KALRN: variants seen among roughly 807,000 people sequenced by gnomAD.
KALRN encodes kalirin RhoGEF kinase.
A neutral mutation model predicts 353.7 loss-of-function variants in KALRN; 70 were observed. The observed-to-expected ratio is 0.20, with a 90% CI of 0.16 to 0.24. The LOEUF is 0.24. Ranked by LOEUF, KALRN falls within the 10% of genes least tolerant of loss-of-function variation. The pLI is 1.00. For missense variants in KALRN, 2,791 were observed against 3,756.7 expected (o/e 0.74, Z 6.72); for synonymous variants, 1,391 against 1,434.8 (o/e 0.97, Z 0.69).
intron 33 of KALRN, among the ~76,000 whole-genome samples, chr3:124,553,184 G>T (rs981610769): frequency 6.6e-6 from 1 of 152,200 alleles, no homozygotes; most frequent in African/African-American, 2.4e-5. Context: ...AGCATGTAAT[G>T]CATATCAGGG....
At chr3:124,370,255 G>A (rs2085653791) in intron 10 of KALRN, among the ~76,000 whole-genome samples, 1 of 151,796 alleles carries the variant, frequency 6.6e-6, no homozygotes, top group African/African-American at 2.4e-5. Context: ...ATACAAAAAA[G>A]ATACCAGAAG....
At chr3:124,694,625 G>C (rs778903702) in intron 53 of KALRN, 122 bp downstream of exon 53, 8 of 951,372 alleles carry the variant, frequency 8.4e-6, no homozygotes, top group Non-Finnish European at 1.3e-5. Flanking sequence ...AGCTGCCCTG[G>C]AGCCTGTTCT....
chr3:124,232,458 T>A (rs1244983159), intron 2 of KALRN, among the ~76,000 whole-genome samples: 2 of 152,150 alleles, frequency 1.3e-5, no homozygotes, highest in Non-Finnish European at 2.9e-5. Context: ...CGTATCTCCA[T>A]TTCCTCCTCT....
chr3:124,527,682 T>A (rs2067709673), intron 33 of KALRN, among the ~76,000 whole-genome samples: 1 of 151,836 alleles, frequency 6.6e-6, no homozygotes, highest in African/African-American at 2.4e-5. Context: ...TCAGATAAGA[T>A]AGCGTCTGCC....
chr3:124,395,626 A>C (rs2090065736), intron 12 of KALRN: 1 of 406,514 alleles, frequency 2.5e-6, no homozygotes, highest in Non-Finnish European at 4.5e-6. Flanking sequence ...AAGACAAAAA[A>C]AACAAAAGTA....
chr3:124,365,536 T>C (rs878861283), intron 10 of KALRN, among the ~76,000 whole-genome samples: 11 of 152,202 alleles, frequency 7.2e-5, no homozygotes, highest in Admixed American at 5.9e-4. Context: ...GAGATAAAAG[T>C]GGACTTGGCT....
chr3:124,183,812 T>A, intron 1 of KALRN, among the ~76,000 whole-genome samples: 1 of 152,218 alleles, frequency 6.6e-6, no homozygotes, highest in South Asian at 2.1e-4. Context: ...GGCATTTTTG[T>A]TTTAAAGTGT....
Position 124,422,983 on chromosome 3 carries a change from G to A in KALRN, c.2709+5G>A. ...CTCCAGGCTGAAGTCAAACAGGTAA[G>A]CCCAGCCCTTCTTCCTTCAGCCTGG... On this transcript the variant is annotated splice_donor_5th_base_variant and intron_variant, in intron 15 of 59. Transcript: ENST00000682506. 6.2e-7 allele frequency: 1 copy of A among 1,612,342 alleles called. No homozygotes were observed. Among genetic ancestry groups the A allele is most frequent in the African/African-American group, 1.3e-5 (1 of 75,004 alleles).
intron 24 of KALRN, among the ~76,000 whole-genome samples, chr3:124,462,255 G>A (rs1330974263): frequency 6.6e-6 from 1 of 152,192 alleles, no homozygotes; most frequent in Non-Finnish European, 1.5e-5. Flanking sequence ...AATTGGGTCT[G>A]AAAATCTGCA....
chr3:124,318,340 T>C (rs1473091615), intron 6 of KALRN, among the ~76,000 whole-genome samples: 1 of 152,184 alleles, frequency 6.6e-6, no homozygotes, highest in East Asian at 1.9e-4. Context: ...CTGTGGTTCA[T>C]GGGAGGCAGA....
intron 12 of KALRN, chr3:124,395,583 A>T (rs2090060369): frequency 4.0e-6 from 2 of 502,550 alleles, no homozygotes; most frequent in East Asian, 6.4e-5. Context: ...TTCAGCCATC[A>T]GTAAGTAACA....
chr3:124,570,875 T>G (rs2073439882), intron 34 of KALRN, among the ~76,000 whole-genome samples: 1 of 152,220 alleles, frequency 6.6e-6, no homozygotes, highest in South Asian at 2.1e-4. Context: ...TAGCTCACTC[T>G]CTTTCCAAAT....
chr3:124,375,725 G>C (rs939732080), intron 10 of KALRN, among the ~76,000 whole-genome samples: 1 of 152,170 alleles, frequency 6.6e-6, no homozygotes, highest in African/African-American at 2.4e-5. Flanking sequence ...TGGATAAAAT[G>C]TTAACAGTTA....
chr3:124,405,148 T>G (rs2091372941), intron 13 of KALRN, among the ~76,000 whole-genome samples: 1 of 152,190 alleles, frequency 6.6e-6, no homozygotes. Context: ...TTTTGACAAA[T>G]TAATTTCAGG....
intron 31 of KALRN, among the ~76,000 whole-genome samples, chr3:124,492,099 AG>A (rs769590788): frequency 3.3e-5 from 5 of 152,188 alleles, no homozygotes; most frequent in Non-Finnish European, 7.3e-5. Context: ...CCCATCACCA[AG>A]GAAAAAATGG....
intron 10 of KALRN, among the ~76,000 whole-genome samples, chr3:124,366,811 G>A (rs1266769843): frequency 4.0e-5 from 6 of 150,486 alleles, no homozygotes; most frequent in Non-Finnish European, 7.4e-5. Flanking sequence ...CCTCCCGGAC[G>A]GGGTGGCTGG....
At chr3:124,400,781 A>G (rs996177031) in intron 13 of KALRN, among the ~76,000 whole-genome samples, 2 of 152,186 alleles carry the variant, frequency 1.3e-5, no homozygotes, top group African/African-American at 4.8e-5. Flanking sequence ...CCTCAGCTCC[A>G]TTTTGCCCAC....
chr3:124,584,543 G>A (rs1209905147), intron 34 of KALRN: 2 of 1,124,474 alleles, frequency 1.8e-6, no homozygotes, highest in East Asian at 6.8e-5. Context: ...CACAGGCAGC[G>A]TTACATGAGG....
At chr3:124,428,241 A>G (rs1488203810) in intron 15 of KALRN, among the ~76,000 whole-genome samples, 1 of 152,254 alleles carries the variant, frequency 6.6e-6, no homozygotes, top group Non-Finnish European at 1.5e-5. Flanking sequence ...AAGCTACATC[A>G]CATCAGAATA....
Sources: allele counts gnomAD v4.1 joint callset (sites outside exome capture counted in the v4.1 genomes callset), GRCh38; gene constraint gnomAD v4.1.1; transcripts MANE v1.5; gene names NCBI Gene and HGNC (gene_info 2026-07-23, HGNC 2026-07-21).